UGT1A8: variants seen among roughly 807,000 people sequenced by gnomAD.
UGT1A8 encodes UDP glucuronosyltransferase family 1 member A8, also known as UDP-glucuronosyltransferase 1A8.
UGT1A8 carries 39 observed loss-of-function variants against 45.3 expected under a neutral mutation model. The observed-to-expected ratio is 0.86, with a 90% confidence interval of 0.67 to 1.12. The LOEUF (loss-of-function observed/expected upper bound fraction) is 1.12, where lower values mean the gene tolerates loss of function less well. Among genes scored for constraint, UGT1A8 ranks in the 50% most tolerant of loss-of-function variants. The probability of loss-of-function intolerance (pLI) is 0.00; values close to 1 mark genes in which losing one functional copy is unlikely to be tolerated. For synonymous variants in UGT1A8, 275 were observed against 249.2 expected (o/e 1.10, Z -0.97); for missense variants, 719 against 664.9 (o/e 1.08, Z -0.90).
intron 1 of UGT1A8, among the ~76,000 whole-genome samples, chr2:233,667,370 C>A (rs927044893): frequency 6.6e-6 from 1 of 152,150 alleles, no homozygotes; most frequent in Non-Finnish European, 1.5e-5. Flanking sequence ...ACACCTTATA[C>A]AAAAATTAAT....
intron 1 of UGT1A8, among the ~76,000 whole-genome samples, chr2:233,734,364 G>A (rs1194313083): frequency 6.6e-6 from 1 of 152,040 alleles, no homozygotes; most frequent in East Asian, 1.9e-4. Context: ...TGGGATCGGT[G>A]GTGATATTGC....
At chr2:233,703,382 A>C (rs1384920463) in intron 1 of UGT1A8, among the ~76,000 whole-genome samples, 1 of 151,458 alleles carries the variant, frequency 6.6e-6, no homozygotes, top group African/African-American at 2.4e-5. Flanking sequence ...TTTTGTCTAT[A>C]TTTTCAAATA....
chr2:233,740,112 A>C (rs1691308174), intron 1 of UGT1A8, among the ~76,000 whole-genome samples: 1 of 151,796 alleles, frequency 6.6e-6, no homozygotes, highest in African/African-American at 2.4e-5. Context: ...GCCTTTGCTT[A>C]TCTCTCACCT....
At chr2:233,726,821 A>G (rs4294999) in intron 1 of UGT1A8, among the ~76,000 whole-genome samples, 81,640 of 151,974 alleles carry the variant, frequency 0.54, 23,585 homozygotes, top group African/African-American at 0.76. Context: ...CCTCTATTCG[A>G]CCATTTAAAT....
chr2:233,755,300 G>C (rs149465290), intron 1 of UGT1A8: 2 of 608,528 alleles, frequency 3.3e-6, no homozygotes, highest in African/African-American at 3.8e-5. Flanking sequence ...GCGGGGCACT[G>C]GCACAGCGAG....
At chr2:233,693,244 G>C (rs768201260) in intron 1 of UGT1A8, 2 of 1,614,170 alleles carry the variant, frequency 1.2e-6, no homozygotes, top group Non-Finnish European at 8.5e-7. Context: ...TCTATCCAGT[G>C]CCGTATGACC....
intron 1 of UGT1A8, among the ~76,000 whole-genome samples, chr2:233,720,460 C>G (rs1575532860): frequency 6.6e-6 from 1 of 151,992 alleles, no homozygotes; most frequent in Non-Finnish European, 1.5e-5. Context: ...GAAGCTGGGA[C>G]CAGTGATGAA....
At chr2:233,687,452 A>G (rs1350677086) in intron 1 of UGT1A8, among the ~76,000 whole-genome samples, 1 of 152,242 alleles carries the variant, frequency 6.6e-6, no homozygotes, top group African/African-American at 2.4e-5. Context: ...AAGTATTTAC[A>G]TGGAAGCTGG....
intron 1 of UGT1A8, among the ~76,000 whole-genome samples, chr2:233,687,413 G>T (rs1169237958): frequency 6.6e-6 from 1 of 151,954 alleles, no homozygotes; most frequent in African/African-American, 2.4e-5. Flanking sequence ...ACATATATTG[G>T]AGGCTTACCG....
intron 1 of UGT1A8, chr2:233,649,079 A>G: frequency 1.1e-6 from 1 of 910,188 alleles, no homozygotes; most frequent in Admixed American, 2.9e-5. Flanking sequence ...TGAATATTTA[A>G]AAAGATTCCT....
At chr2:233,680,023 C>A (rs970240946) in intron 1 of UGT1A8, among the ~76,000 whole-genome samples, 2 of 152,044 alleles carry the variant, frequency 1.3e-5, no homozygotes. Flanking sequence ...CTCTCTCTCT[C>A]TTTTTTCTTT....
rs1575663531 is a variant in UGT1A8, at chr2:233,744,064, T to A, written c.856-22970T>A. ...GCCACATCTCATTGGTCGAGGCCTATGAGCGCCTCGCATCCCAAGATGCAG... is the reference window on the plus strand; with the variant it reads ...GCCACATCTCATTGGTCGAGGCCTAAGAGCGCCTCGCATCCCAAGATGCAG... On this transcript the variant is annotated intron_variant, in intron 1 of 4. Transcript: ENST00000373450. 7.1e-6 allele frequency: 4 copies of A among 560,044 alleles called. No homozygotes were observed. In the East Asian group the frequency reaches 2.1e-4, roughly 29 times the overall value. 34.7% of individuals were successfully genotyped at this position (560,044 alleles called of 1,614,324 possible). A position where few individuals can be genotyped will look rare whatever the true frequency, so the allele number is the denominator to read the frequency against.
At chr2:233,708,319 A>T (rs1235023538) in intron 1 of UGT1A8, 1 of 152,194 alleles carries the variant, frequency 6.6e-6, no homozygotes, top group African/African-American at 2.4e-5. Flanking sequence ...ATAGGTAAAA[A>T]ATATCTCAAG....
At chr2:233,741,949 G>A (rs188089498) in intron 1 of UGT1A8, 3 of 151,926 alleles carry the variant, frequency 2.0e-5, no homozygotes, top group Admixed American at 2.0e-4. Context: ...CAACAGAAAG[G>A]TACTTTCTTG....
chr2:233,665,609 G>T (rs1217188566), intron 1 of UGT1A8, among the ~76,000 whole-genome samples: 1 of 152,206 alleles, frequency 6.6e-6, no homozygotes, highest in Non-Finnish European at 1.5e-5. Context: ...GCATTGGTTG[G>T]TTTGAATAAT....
At chr2:233,659,965 G>C (rs982101740) in intron 1 of UGT1A8, among the ~76,000 whole-genome samples, 9 of 152,094 alleles carry the variant, frequency 5.9e-5, no homozygotes, top group South Asian at 2.1e-4. Flanking sequence ...AATTCCTCAG[G>C]TGTGGTGTCT....
Position 233,618,485 on chromosome 2 carries a change from G to A in UGT1A8, c.778G>A (p.Asp260Asn). The change falls in exon 1 of 5, where the codon GAC (aspartate) becomes AAC (asparagine). Residue 260 changes from aspartate (D) to asparagine (N), a missense_variant. Transcript: ENST00000373450. ...GTTGTTGCGAACAGACTTTGTTTTG[G>A]ACTATCCCAAACCCGTGATGCCCAA... is the stretch of plus-strand genomic sequence containing the variant. Reference protein sequence around the residue: ...IWLLRTDFVLDYPKPVMPNMI... With the variant: ...IWLLRTDFVLNYPKPVMPNMI... The A allele has an allele frequency of 6.2e-7, 1 of 1,613,818 alleles. No individual in the cohort carries two copies. Among genetic ancestry groups the A allele is most frequent in the Non-Finnish European group, 8.5e-7 (1 of 1,179,822 alleles).
At chr2:233,772,241 C>T (rs200350292) in intron 4 of UGT1A8, 21 bp from the exon 5 acceptor site, 139 of 1,614,076 alleles carry the variant, frequency 8.6e-5, no homozygotes, top group Admixed American at 1.2e-4. Flanking sequence ...CCAGGCATAA[C>T]GAAACTGTCT....
chr2:233,693,216 A>G, intron 1 of UGT1A8: 1 of 1,614,196 alleles, frequency 6.2e-7, no homozygotes. Context: ...AAAGAATCCA[A>G]ATACTACACA....
Sources: allele counts gnomAD v4.1 joint callset (sites outside exome capture counted in the v4.1 genomes callset), GRCh38; gene constraint gnomAD v4.1.1; transcripts MANE v1.5; gene names NCBI Gene and HGNC (gene_info 2026-07-23, HGNC 2026-07-21).